STIM1: variants seen among roughly 807,000 people sequenced by gnomAD.
The protein encoded by STIM1 is stromal interaction molecule 1.
In STIM1, 25 loss-of-function variants were observed where a neutral mutation model predicts 74.7. The ratio of observed to expected loss-of-function variants is 0.33; its 90% CI spans 0.24 to 0.47. The LOEUF is 0.47. STIM1 is among the 20% of genes least tolerant of loss of function. The probability of loss-of-function intolerance (pLI) is 1.00; values close to 1 mark genes in which losing one functional copy is unlikely to be tolerated. For synonymous variants in STIM1, 328 were observed against 348.8 expected, an observed-to-expected ratio of 0.94 and a Z score of 0.66; for missense variants, 728 against 920.8, an observed-to-expected ratio of 0.79 and a Z score of 2.71.
chr11:4,059,879 T>G (rs17196385), intron 5 of STIM1, among the ~76,000 whole-genome samples: 22,053 of 152,194 alleles, frequency 0.14, 2,099 homozygotes, highest in Non-Finnish European at 0.21. Context: ...AAAAGTATGC[T>G]CAGGGATAGA....
At chr11:3,877,732 A>G (rs577822886) in intron 1 of STIM1, among the ~76,000 whole-genome samples, 8 of 152,150 alleles carry the variant, frequency 5.3e-5, no homozygotes, top group African/African-American at 1.9e-4. Flanking sequence ...CATTCCCAGA[A>G]CTGTTGGGAG....
In STIM1 at chr11:3,863,301, G is replaced by T. The variant is rs1565093847; in HGVS notation, c.139+6892G>T. Among the ~76,000 whole-genome samples, 7 of 148,466 alleles carry T rather than the reference G, an allele frequency of 4.7e-5. No individual in the cohort carries two copies. The South Asian group carries it at 1.3e-3, about 28-fold the overall frequency. ...GAGACAGGGTCTCTCTGTCACCTAG[G>T]CTGGATTGCAGTGGTGTGATCATGG... is the stretch of plus-strand genomic sequence containing the variant. On this transcript the variant is annotated intron_variant, in intron 1 of 12. Transcript: ENST00000526596.
chr11:4,026,298 T>G (rs951092359), intron 3 of STIM1, among the ~76,000 whole-genome samples: 2 of 152,220 alleles, frequency 1.3e-5, no homozygotes, highest in African/African-American at 4.8e-5. Flanking sequence ...AGAAAAGTTT[T>G]CTAATCTCTA....
At chr11:4,017,008 C>T (rs1019499508) in intron 2 of STIM1, among the ~76,000 whole-genome samples, 1 of 152,222 alleles carries the variant, frequency 6.6e-6, no homozygotes, top group African/African-American at 2.4e-5. Context: ...AAGGGAAATC[C>T]CCTGACCCCT....
intron 1 of STIM1, 45 bp downstream of exon 1, chr11:3,856,454 A>G: frequency 6.3e-7 from 1 of 1,591,680 alleles, no homozygotes. Flanking sequence ...GCTTTGGCTC[A>G]GGACTGAGTG....
At position 3,877,684 on chromosome 11, in the gene STIM1, C is replaced by G. The variant is rs567140520; in HGVS notation, c.139+21275C>G. On this transcript the variant is annotated intron_variant, in intron 1 of 12. Coordinates refer to ENST00000526596, the MANE Select transcript of STIM1 (RefSeq NM_001382567.1). ...TGAATACCTAATTTTTCCCTCATGC[C>G]TAAGTAACTCTAGCAGGCCGAGGGC... Among the ~76,000 whole-genome samples the G allele has an allele frequency of 8.7e-4, 132 of 152,224 alleles. No homozygotes were observed. The Middle Eastern group carries it at 0.02, about 24-fold the overall frequency.
intron 3 of STIM1, among the ~76,000 whole-genome samples, chr11:4,041,812 C>T (rs1006343760): frequency 5.9e-5 from 9 of 152,122 alleles, no homozygotes; most frequent in Non-Finnish European, 1.5e-5. Context: ...GTCTTGAACT[C>T]CTGGCCTCAA....
chr11:4,074,615 A>G lies in STIM1; in HGVS notation c.905A>G (p.Glu302Gly). 6.2e-7 allele frequency: 1 copy of G among 1,609,136 alleles called. No homozygotes were observed. The highest frequency in any genetic ancestry group is 8.5e-7 in the Non-Finnish European group (1 of 1,177,636). Residue 302 changes from glutamate (E) to glycine (G), a missense_variant, in exon 7 of 13, where the codon GAG (glutamate) becomes GGG (glycine). Physicochemically the swap from Glu to Gly is moderately conservative, Grantham distance 98. Coordinates refer to ENST00000526596, the MANE Select transcript of STIM1 (RefSeq NM_001382567.1). ...LAKQEAQRLK[E>G]LREGTENERS... ...AAGCAGGAAGCCCAGCGGCTGAAGG[A>G]GCTGCGGGAGGGTACTGAGAATGAG...
intron 3 of STIM1, among the ~76,000 whole-genome samples, chr11:4,051,443 A>G (rs945831604): frequency 6.6e-6 from 1 of 151,718 alleles, no homozygotes; most frequent in African/African-American, 2.4e-5. Flanking sequence ...CCCGAGTTCA[A>G]GCGATTTTCC....
At chr11:4,014,097 G>A (rs1338465282) in intron 2 of STIM1, among the ~76,000 whole-genome samples, 1 of 152,042 alleles carries the variant, frequency 6.6e-6, no homozygotes, top group East Asian at 1.9e-4. Flanking sequence ...GCTAGCTCTT[G>A]AATTTGTTTG....
At chr11:4,067,057 A>T (rs953888597) in intron 5 of STIM1, among the ~76,000 whole-genome samples, 1 of 152,154 alleles carries the variant, frequency 6.6e-6, no homozygotes, top group Non-Finnish European at 1.5e-5. Context: ...CTATATTCTT[A>T]ATTATCTCCT....
intron 2 of STIM1, among the ~76,000 whole-genome samples, chr11:3,977,677 A>C (rs1167836448): frequency 6.6e-6 from 1 of 152,226 alleles, no homozygotes; most frequent in Non-Finnish European, 1.5e-5. Context: ...ATTTTGATGC[A>C]AACAAGCCTG....
chr11:3,941,911 C>T (rs1438804088), intron 1 of STIM1, among the ~76,000 whole-genome samples: 1 of 151,950 alleles, frequency 6.6e-6, no homozygotes, highest in Non-Finnish European at 1.5e-5. Flanking sequence ...TCTTGAACTC[C>T]TGGAGTCAAG....
At chr11:3,948,176 A>T (rs1313150648) in intron 1 of STIM1, among the ~76,000 whole-genome samples, 1 of 152,184 alleles carries the variant, frequency 6.6e-6, no homozygotes, top group Admixed American at 6.5e-5. Flanking sequence ...AAGGCATCCC[A>T]GGGCCTTCCC....
chr11:3,990,549 A>G (rs981255048), intron 2 of STIM1, among the ~76,000 whole-genome samples: 9 of 152,196 alleles, frequency 5.9e-5, no homozygotes, highest in Admixed American at 3.3e-4. Flanking sequence ...TGGCTAAACC[A>G]TTTTTACATT....
At chr11:4,052,228 A>G (rs926873769) in intron 3 of STIM1, among the ~76,000 whole-genome samples, 3 of 152,196 alleles carry the variant, frequency 2.0e-5, no homozygotes, top group Non-Finnish European at 4.4e-5. Flanking sequence ...GCTACCAATG[A>G]ATTTTTTCAC....
chr11:3,881,024 C>T (rs541700150), intron 1 of STIM1, among the ~76,000 whole-genome samples: 1 of 148,872 alleles, frequency 6.7e-6, no homozygotes, highest in East Asian at 2.0e-4. Flanking sequence ...CAGGAAGGGG[C>T]AGCTGGATGG....
Position 4,018,511 on chromosome 11 carries a change from G to GGT in STIM1, c.271-5360_271-5359dup, listed in dbSNP as rs529848004. Among the ~76,000 whole-genome samples the GGT allele has an allele frequency of 6.1e-3, 914 of 150,444 alleles. 9 individuals are homozygous for GGT. The highest frequency in any genetic ancestry group is 0.01 in the Non-Finnish European group (682 of 67,538). On this transcript the variant is annotated intron_variant, in intron 2 of 12. Coordinates refer to ENST00000526596, the MANE Select transcript of STIM1 (RefSeq NM_001382567.1). ...ACAAACAAAATTAGCCAGGAGTGGT[G>GGT]GTGCATGCCTGTAATCCCAGCTACT... is the stretch of plus-strand genomic sequence containing the variant.
intron 3 of STIM1, among the ~76,000 whole-genome samples, chr11:4,040,967 G>C (rs1022177049): frequency 3.9e-5 from 6 of 152,182 alleles, no homozygotes; most frequent in African/African-American, 1.4e-4. Flanking sequence ...AGAAAATGAA[G>C]ACCTTTACCT....
Sources: allele counts gnomAD v4.1 joint callset (sites outside exome capture counted in the v4.1 genomes callset), GRCh38; gene constraint gnomAD v4.1.1; transcripts MANE v1.5; gene names NCBI Gene and HGNC (gene_info 2026-07-23, HGNC 2026-07-21).